Variants in DAW1 observed in about 807,000 individuals in gnomAD.
The protein encoded by DAW1 is dynein assembly factor with WD repeats 1.
A neutral mutation model predicts 56.5 loss-of-function variants in DAW1; 47 were observed. The observed-to-expected ratio is 0.83, with a 90% CI of 0.66 to 1.06. DAW1 has a LOEUF of 1.06. DAW1 is among the 50% of genes least tolerant of loss of function. The pLI is 0.00. For synonymous variants in DAW1, 190 were observed against 179.0 expected (o/e 1.06, Z -0.49); for missense variants, 505 against 499.3 (o/e 1.01, Z -0.11).
intron 10 of DAW1, chr2:227,912,337 A>G (rs1691849190): frequency 7.7e-7 from 1 of 1,303,584 alleles, no homozygotes; most frequent in Non-Finnish European, 1.0e-6. Context: ...GGTTCAAGCG[A>G]TTCTCCTGCC....
At chr2:227,896,498 T>G (rs1427560409) in intron 5 of DAW1, among the ~76,000 whole-genome samples, 1 of 152,018 alleles carries the variant, frequency 6.6e-6, no homozygotes, top group East Asian at 1.9e-4. Context: ...GCCTGATGAT[T>G]TATGTATGCG....
At chr2:227,920,736 G>A (rs996748238) in intron 11 of DAW1, among the ~76,000 whole-genome samples, 1 of 151,958 alleles carries the variant, frequency 6.6e-6, no homozygotes, top group South Asian at 2.1e-4. Flanking sequence ...GAGAGCAGTG[G>A]CATGATCTCA....
At chr2:227,879,440 T>A (rs180759447) in intron 1 of DAW1, among the ~76,000 whole-genome samples, 17 of 152,262 alleles carry the variant, frequency 1.1e-4, no homozygotes, top group African/African-American at 1.4e-4. Flanking sequence ...GTTCTTTATA[T>A]TAAGTTCTTA....
intron 5 of DAW1, among the ~76,000 whole-genome samples, chr2:227,897,558 A>G (rs1691440777): frequency 1.3e-5 from 2 of 152,198 alleles, no homozygotes; most frequent in African/African-American, 4.8e-5. Context: ...TCCAAGATCA[A>G]AGGCCAAACA....
At chr2:227,914,001 TC>T (rs1691893691) in intron 10 of DAW1, among the ~76,000 whole-genome samples, 3 of 151,902 alleles carry the variant, frequency 2.0e-5, no homozygotes, top group Non-Finnish European at 2.9e-5. Flanking sequence ...TCTCTCTCTC[TC>T]TCTCTCTCTT....
At chr2:227,893,136 G>A (rs1327377530) in intron 4 of DAW1, among the ~76,000 whole-genome samples, 1 of 151,884 alleles carries the variant, frequency 6.6e-6, no homozygotes, top group Non-Finnish European at 1.5e-5. Flanking sequence ...GACAGGCATG[G>A]TGGCGCACCT....
At chr2:227,875,149 A>G (rs536400036) in intron 1 of DAW1, among the ~76,000 whole-genome samples, 7 of 152,232 alleles carry the variant, frequency 4.6e-5, no homozygotes, top group Non-Finnish European at 7.4e-5. Flanking sequence ...CATGCCAAAC[A>G]TTTTGGACTC....
intron 11 of DAW1, among the ~76,000 whole-genome samples, chr2:227,919,403 C>T (rs1692053608): frequency 6.6e-6 from 1 of 152,000 alleles, no homozygotes; most frequent in African/African-American, 2.4e-5. Context: ...CAGCATTCGC[C>T]TCCACTGTCA....
intron 12 of DAW1, 111 bp from the exon 13 acceptor site, chr2:227,923,823 A>C: frequency 7.6e-7 from 1 of 1,314,540 alleles, no homozygotes; most frequent in Non-Finnish European, 1.1e-6. Context: ...AACCTAGCCC[A>C]TTTAGCAAGT....
At position 227,924,200 on chromosome 2, in the gene DAW1, G is replaced by A. The variant is rs1215563361; in HGVS notation, c.*232G>A. The A allele has an allele frequency of 1.9e-6, 1 of 528,400 alleles. No individual in the cohort carries two copies. The highest frequency in any genetic ancestry group is 3.4e-6 in the Non-Finnish European group (1 of 296,560). 32.7% of individuals were successfully genotyped at this position (528,400 alleles called of 1,614,324 possible). On this transcript the variant is annotated 3_prime_UTR_variant, in exon 13 of 13. Coordinates refer to ENST00000309931, the MANE Select transcript of DAW1 (RefSeq NM_178821.3). ...GGACACAGCATAATGTTTGGCTAAT[G>A]CCACCAGTTATTTCAGTTGTGTTTG...
At chr2:227,875,585 A>G (rs1305205127) in intron 1 of DAW1, among the ~76,000 whole-genome samples, 1 of 152,170 alleles carries the variant, frequency 6.6e-6, no homozygotes, top group Admixed American at 6.5e-5. Context: ...CTACCCATGG[A>G]CATTTGTATC....
intron 5 of DAW1, 86 bp downstream of exon 5, chr2:227,894,003 G>A (rs1167984684): frequency 5.7e-6 from 8 of 1,395,490 alleles, no homozygotes; most frequent in African/African-American, 1.5e-5. Context: ...AAGACAAGAG[G>A]TCTAAATTTA....
At chr2:227,902,938 C>T in intron 6 of DAW1, 64 bp from the exon 7 acceptor site, 1 of 1,498,686 alleles carries the variant, frequency 6.7e-7, no homozygotes, top group Non-Finnish European at 9.2e-7. Flanking sequence ...GGAAGATTTT[C>T]TGTGTATAAT....
At chr2:227,903,483 C>T (rs1691599629) in intron 7 of DAW1, among the ~76,000 whole-genome samples, 1 of 152,200 alleles carries the variant, frequency 6.6e-6, no homozygotes, top group Admixed American at 6.5e-5. Context: ...GCCCGCTGGT[C>T]TTTCAGCCAT....
At chr2:227,888,589 C>T (rs1691184085) in intron 2 of DAW1, among the ~76,000 whole-genome samples, 1 of 152,188 alleles carries the variant, frequency 6.6e-6, no homozygotes, top group Non-Finnish European at 1.5e-5. Flanking sequence ...CAGCCCTGGC[C>T]TGGAATGCCA....
chr2:227,897,484 T>C (rs138889595), intron 5 of DAW1, among the ~76,000 whole-genome samples: 1 of 152,172 alleles, frequency 6.6e-6, no homozygotes, highest in Non-Finnish European at 1.5e-5. Flanking sequence ...TCCAATTGGG[T>C]GAACATCTTG....
chr2:227,915,226 T>C (rs559909522), intron 10 of DAW1, among the ~76,000 whole-genome samples: 13 of 152,208 alleles, frequency 8.5e-5, no homozygotes, highest in African/African-American at 2.9e-4. Flanking sequence ...CTTCATCCTT[T>C]ACTTGATGAT....
intron 2 of DAW1, among the ~76,000 whole-genome samples, chr2:227,889,021 T>C (rs1691196397): frequency 6.6e-6 from 1 of 152,214 alleles, no homozygotes; most frequent in Non-Finnish European, 1.5e-5. Context: ...TGAACCTCAG[T>C]TTCTTCATCT....
At chr2:227,889,271 C>T (rs554740448) in intron 2 of DAW1, among the ~76,000 whole-genome samples, 2 of 152,212 alleles carry the variant, frequency 1.3e-5, no homozygotes, top group African/African-American at 4.8e-5. Flanking sequence ...ATTTGTTTCT[C>T]GTAGTTCTGA....
Sources: allele counts gnomAD v4.1 joint callset (sites outside exome capture counted in the v4.1 genomes callset), GRCh38; gene constraint gnomAD v4.1.1; transcripts MANE v1.5; gene names NCBI Gene and HGNC (gene_info 2026-07-23, HGNC 2026-07-21).